The following FMNL2 variants were observed in gnomAD, a reference collection of about 807,000 sequenced individuals.
The protein encoded by FMNL2 is formin-like protein 2.
A neutral mutation model predicts 130.2 loss-of-function variants in FMNL2; 51 were observed. The observed-to-expected ratio is 0.39, with a 90% confidence interval of 0.31 to 0.49. The LOEUF is 0.49. Ranked by LOEUF, FMNL2 falls within the 20% of genes least tolerant of loss-of-function variation. FMNL2 has a pLI of 0.85. For missense variants in FMNL2, 977 were observed against 1,316.2 expected (o/e 0.74, Z 3.99); for synonymous variants, 465 against 467.1 (o/e 1.00, Z 0.06).
chr2:152,584,676 C>T (rs760785322), intron 9 of FMNL2, among the ~76,000 whole-genome samples: 3 of 152,102 alleles, frequency 2.0e-5, no homozygotes, highest in Non-Finnish European at 4.4e-5. Context: ...GCCAATAAAT[C>T]CATTCTATCT....
At chr2:152,493,664 C>T (rs1468777895) in intron 1 of FMNL2, among the ~76,000 whole-genome samples, 1 of 152,172 alleles carries the variant, frequency 6.6e-6, no homozygotes, top group Non-Finnish European at 1.5e-5. Flanking sequence ...AGCCTGGCAC[C>T]TCTGTTGCCA....
chr2:152,543,614 G>T (rs543434058), intron 3 of FMNL2, among the ~76,000 whole-genome samples: 8 of 151,318 alleles, frequency 5.3e-5, no homozygotes, highest in African/African-American at 1.9e-4. Flanking sequence ...AGAAAAGAAT[G>T]GTATACTTTA....
At position 152,453,309 on chromosome 2, in the gene FMNL2, C is replaced by T. The variant is rs544678659; in HGVS notation, c.118-68634C>T. Among the ~76,000 whole-genome samples the T allele has an allele frequency of 9.8e-5, 15 of 152,304 alleles. No individual in the cohort carries two copies. The South Asian group carries it at 2.7e-3, about 27-fold the overall frequency. On this transcript the variant is annotated intron_variant, in intron 1 of 25. Coordinates refer to ENST00000288670, the MANE Select transcript of FMNL2 (RefSeq NM_052905.4). ...GCCCTGACTGACCCAGTGTGATTCA[C>T]AGACTCCTTCATTAGGAGCAGTCTG...
chr2:152,370,356 C>T (rs770110485), intron 1 of FMNL2, among the ~76,000 whole-genome samples: 7 of 152,190 alleles, frequency 4.6e-5, no homozygotes, highest in Non-Finnish European at 8.8e-5. Flanking sequence ...CATGAAGACT[C>T]TGCTGTCATG....
At chr2:152,487,053 A>G (rs1355300044) in intron 1 of FMNL2, among the ~76,000 whole-genome samples, 6 of 152,242 alleles carry the variant, frequency 3.9e-5, no homozygotes, top group African/African-American at 1.2e-4. Flanking sequence ...TTTATTGAGT[A>G]TATACTCTGT....
chr2:152,553,670 TA>T (rs1695054695), intron 4 of FMNL2, among the ~76,000 whole-genome samples: 1 of 151,658 alleles, frequency 6.6e-6, no homozygotes, highest in Admixed American at 6.6e-5. Flanking sequence ...TGATAAATTT[TA>T]AATGTCTTTA....
Position 152,584,520 on chromosome 2 carries a change from G to C in FMNL2, c.876+3471G>C, listed in dbSNP as rs149455348. Among the ~76,000 whole-genome samples, 96 of 152,324 alleles carry C rather than the reference G, an allele frequency of 6.3e-4. 2 individuals are homozygous for C. The East Asian group carries it at 0.016, about 25-fold the overall frequency. ...TGCAAATAAAGTAATATGCTTTAGA[G>C]TAGCCAGATCCTTTGGGCTTTGATC... On this transcript the variant is annotated intron_variant, in intron 9 of 25. Coordinates refer to ENST00000288670, the MANE Select transcript of FMNL2 (RefSeq NM_052905.4).
At chr2:152,565,815 T>A (rs1323776646) in intron 6 of FMNL2, among the ~76,000 whole-genome samples, 1 of 152,222 alleles carries the variant, frequency 6.6e-6, no homozygotes, top group Non-Finnish European at 1.5e-5. Context: ...GGTCTTGTTC[T>A]GTTGCCCAGG....
At chr2:152,363,169 T>C (rs1442542750) in intron 1 of FMNL2, among the ~76,000 whole-genome samples, 1 of 152,200 alleles carries the variant, frequency 6.6e-6, no homozygotes, top group African/African-American at 2.4e-5. Context: ...GTGCATTACA[T>C]GGGTGAATCA....
At chr2:152,418,084 A>T (rs1686711620) in intron 1 of FMNL2, among the ~76,000 whole-genome samples, 1 of 151,950 alleles carries the variant, frequency 6.6e-6, no homozygotes, top group Non-Finnish European at 1.5e-5. Flanking sequence ...GAGCTCAGAT[A>T]ATCTGCCTGC....
At chr2:152,597,408 A>G (rs1697827083) in intron 9 of FMNL2, among the ~76,000 whole-genome samples, 2 of 152,218 alleles carry the variant, frequency 1.3e-5, no homozygotes, top group Non-Finnish European at 2.9e-5. Context: ...TGCGGCAGAA[A>G]TGCTTTATGC....
intron 1 of FMNL2, among the ~76,000 whole-genome samples, chr2:152,467,042 C>CT (rs1689586285): frequency 6.6e-6 from 1 of 152,188 alleles, no homozygotes; most frequent in Admixed American, 6.5e-5. Context: ...TGAGGTACAG[C>CT]TACTCCTACA....
intron 12 of FMNL2, 67 bp from the exon 13 acceptor site, chr2:152,617,024 T>G: frequency 7.1e-7 from 1 of 1,416,826 alleles, no homozygotes; most frequent in Non-Finnish European, 9.9e-7. Context: ...GAGCTGCACT[T>G]TCTGAGAACT....
chr2:152,593,576 A>G (rs571885370), intron 9 of FMNL2, among the ~76,000 whole-genome samples: 121 of 152,324 alleles, frequency 7.9e-4, no homozygotes, highest in African/African-American at 2.8e-3. Flanking sequence ...AGAAAAGGCA[A>G]TAAGAGATAG....
At chr2:152,399,827 A>G (rs1396741967) in intron 1 of FMNL2, among the ~76,000 whole-genome samples, 1 of 152,144 alleles carries the variant, frequency 6.6e-6, no homozygotes, top group Non-Finnish European at 1.5e-5. Context: ...TGTATTAGAT[A>G]TTTGGGTGAG....
intron 1 of FMNL2, among the ~76,000 whole-genome samples, chr2:152,448,204 T>TA (rs70974863): frequency 0.02 from 2,929 of 146,046 alleles, 68 homozygotes; most frequent in East Asian, 0.13. Context: ...GCTGATTTCT[T>TA]AAAAAAAAAA....
intron 9 of FMNL2, among the ~76,000 whole-genome samples, chr2:152,594,982 C>T (rs1462131487): frequency 6.6e-6 from 1 of 152,160 alleles, no homozygotes; most frequent in African/African-American, 2.4e-5. Context: ...ATGTTCCCCG[C>T]AAACTCTGCG....
intron 9 of FMNL2, among the ~76,000 whole-genome samples, chr2:152,604,119 T>C (rs540538014): frequency 3.5e-4 from 53 of 151,164 alleles, no homozygotes; most frequent in African/African-American, 1.2e-3. Context: ...CTATGTCTTT[T>C]AGTGATAATG....
At chr2:152,620,683 C>G (rs1024553515) in intron 15 of FMNL2, among the ~76,000 whole-genome samples, 1 of 152,180 alleles carries the variant, frequency 6.6e-6, no homozygotes, top group African/African-American at 2.4e-5. Context: ...CCAGTCTTAG[C>G]TGTAAAGATT....
Sources: gnomAD v4.1 joint callset for allele counts (sites outside exome capture counted in the v4.1 genomes callset) on GRCh38, gnomAD v4.1.1 for gene constraint, MANE v1.5 for transcripts, NCBI Gene and HGNC (gene_info 2026-07-23, HGNC 2026-07-21) for gene names.